The following EDN3 variants were observed in gnomAD, a reference collection of about 807,000 sequenced individuals.
EDN3 encodes endothelin-3.
Under a neutral mutation model 21.4 loss-of-function variants are expected in EDN3, and 9 were observed. The observed-to-expected ratio is 0.42, with a 90% CI of 0.25 to 0.73. The LOEUF (loss-of-function observed/expected upper bound fraction) is 0.73. Among genes scored for constraint, EDN3 ranks in the 30% least tolerant of loss-of-function variants. EDN3 has a pLI of 0.26. For missense variants in EDN3, 327 were observed against 309.4 expected, an observed-to-expected ratio of 1.06 and a Z score of -0.43; for synonymous variants, 133 against 126.2, an observed-to-expected ratio of 1.05 and a Z score of -0.36.
At chr20:59,320,962 C>A in intron 2 of EDN3, 55 bp from the exon 3 acceptor site, 1 of 1,605,532 alleles carries the variant, frequency 6.2e-7, no homozygotes, top group South Asian at 1.1e-5. Context: ...CCCTTGGGGG[C>A]CCCTGAGCAG....
At chr20:59,303,365 C>A (rs547935037) in intron 2 of EDN3, among the ~76,000 whole-genome samples, 1 of 152,310 alleles carries the variant, frequency 6.6e-6, no homozygotes, top group South Asian at 2.1e-4. Context: ...TTCCTTGTAG[C>A]CCCTGCACCT....
At chr20:59,313,391 C>T (rs553446086) in intron 2 of EDN3, among the ~76,000 whole-genome samples, 3 of 152,236 alleles carry the variant, frequency 2.0e-5, no homozygotes, top group Non-Finnish European at 2.9e-5. Context: ...TTAAATGAAA[C>T]GAAGGAACTG....
At chr20:59,306,202 C>T (rs902348778) in intron 2 of EDN3, among the ~76,000 whole-genome samples, 1 of 152,070 alleles carries the variant, frequency 6.6e-6, no homozygotes, top group South Asian at 2.1e-4. Flanking sequence ...AAATCTGACA[C>T]ACATGGGCTG....
rs550205592 is a variant in EDN3 at position 59,300,860 on chromosome 20, C to T, written c.48C>T (p.Ala16=). Reference sequence around the variant, plus strand: ...TTTTCGGGCTCACAGTGACCTCCGCCGCAGGTAAGCGCACGGGGCGGCGCG... The same window carrying T: ...TTTTCGGGCTCACAGTGACCTCCGCTGCAGGTAAGCGCACGGGGCGGCGCG... ...WLLFGLTVTS[A]AGFVPCSQSG... Residue 16 remains alanine, a synonymous_variant, in exon 1 of 5, where the codon GCC becomes GCT. Transcript: ENST00000337938. 23 of 1,611,062 alleles carry T rather than the reference C, an allele frequency of 1.4e-5. No homozygotes were observed. In the African/African-American group the frequency reaches 2.4e-4, roughly 17 times the overall value.
chr20:59,301,326 C>A (rs1169865527), intron 1 of EDN3, 84 bp from the exon 2 acceptor site: 6 of 1,504,700 alleles, frequency 4.0e-6, no homozygotes, highest in East Asian at 2.3e-5. Flanking sequence ...GCTTGCTCCA[C>A]CCCCCTCCTC....
At chr20:59,306,595 T>TAAAAAAAAAAAAAAAAAAAA (rs57144708) in intron 2 of EDN3, among the ~76,000 whole-genome samples, 5 of 62,456 alleles carry the variant, frequency 8.0e-5, no homozygotes, top group African/African-American at 1.7e-4. Context: ...GCATAAAGAG[T>TAAAAAAAAAAAAAAAAAAAA]AAAAAAAAAA....
intron 2 of EDN3, among the ~76,000 whole-genome samples, chr20:59,311,738 A>G (rs1176265305): frequency 6.6e-6 from 1 of 151,768 alleles, no homozygotes; most frequent in Admixed American, 6.6e-5. Context: ...GTCTCATCCA[A>G]TGAGTAAGAA....
intron 3 of EDN3, among the ~76,000 whole-genome samples, chr20:59,321,402 C>G (rs1011813855): frequency 6.6e-6 from 1 of 152,180 alleles, no homozygotes; most frequent in Non-Finnish European, 1.5e-5. Context: ...GTCCCCACCC[C>G]CTTGCTGCCT....
chr20:59,303,702 G>T (rs1203976378), intron 2 of EDN3, among the ~76,000 whole-genome samples: 1 of 152,158 alleles, frequency 6.6e-6, no homozygotes, highest in Admixed American at 6.5e-5. Flanking sequence ...TTAAAATTCT[G>T]TCTCATGCAT....
At chr20:59,302,484 G>A (rs576589487) in intron 2 of EDN3, among the ~76,000 whole-genome samples, 1 of 152,160 alleles carries the variant, frequency 6.6e-6, no homozygotes, top group East Asian at 1.9e-4. Flanking sequence ...TGTGGAGAGA[G>A]TGTGGCTCTG....
chr20:59,317,047 G>A (rs1242393790), intron 2 of EDN3, among the ~76,000 whole-genome samples: 2 of 152,228 alleles, frequency 1.3e-5, no homozygotes, highest in Non-Finnish European at 2.9e-5. Context: ...GTAGGCCCCA[G>A]CCACTGGGCA....
rs260741 is a variant in EDN3 at position 59,301,100 on chromosome 20, G to A, written c.52+236G>A. Among the ~76,000 whole-genome samples the A allele has an allele frequency of 0.17, 26,532 of 152,244 alleles. 2,794 individuals are homozygous for A. Among genetic ancestry groups the A allele is most frequent in the East Asian group, 0.26 (1,320 of 5,164 alleles). ...TGGCTGGAGACCTGCTGCCTGGGCCGACTTGGTCAATTTTTCATGAAACTG... is the reference window on the plus strand; with the variant it reads ...TGGCTGGAGACCTGCTGCCTGGGCCAACTTGGTCAATTTTTCATGAAACTG... On this transcript the variant is annotated intron_variant, in intron 1 of 4. Transcript: ENST00000337938.
At chr20:59,313,324 G>A (rs774064619) in intron 2 of EDN3, among the ~76,000 whole-genome samples, 2 of 152,206 alleles carry the variant, frequency 1.3e-5, no homozygotes, top group Non-Finnish European at 2.9e-5. Flanking sequence ...GGCTCCGGCT[G>A]GACAAGGTCC....
intron 2 of EDN3, among the ~76,000 whole-genome samples, chr20:59,310,027 C>T (rs1600732113): frequency 2.0e-5 from 3 of 152,202 alleles, no homozygotes; most frequent in Admixed American, 2.0e-4. Flanking sequence ...AGGGCCATTA[C>T]AGTGAGGAAC....
intron 2 of EDN3, among the ~76,000 whole-genome samples, chr20:59,309,748 G>A (rs1056333262): frequency 1.3e-5 from 2 of 152,182 alleles, no homozygotes; most frequent in Non-Finnish European, 2.9e-5. Flanking sequence ...TTAGGGCTAA[G>A]TTTCGCAGTT....
intron 2 of EDN3, among the ~76,000 whole-genome samples, chr20:59,306,566 GT>G (rs1231756018): frequency 9.1e-6 from 1 of 109,912 alleles, no homozygotes; most frequent in East Asian, 3.1e-4. Context: ...TTTCTTTTGA[GT>G]TTTTTTCTCC....
At chr20:59,312,597 G>C (rs1989904239) in intron 2 of EDN3, among the ~76,000 whole-genome samples, 1 of 152,190 alleles carries the variant, frequency 6.6e-6, no homozygotes, top group Non-Finnish European at 1.5e-5. Flanking sequence ...AATAGGCCAT[G>C]GAAGAGTGTA....
Position 59,311,781 on chromosome 20 carries a change from A to G in EDN3, c.366-9236A>G, listed in dbSNP as rs1262033250. 2.0e-5 allele frequency among the ~76,000 whole-genome samples: 3 copies of G among 151,876 alleles called. No homozygotes were observed. The East Asian group carries it at 5.8e-4, about 29-fold the overall frequency. The stretch of plus-strand genomic sequence containing the variant: ...CCTTCTGGCAATGCAGCCTCATTCT[A>G]CCCAGCCCCTATTCAAGATAGAGTT... On this transcript the variant is annotated intron_variant, in intron 2 of 4. Coordinates refer to ENST00000337938, the MANE Select transcript of EDN3 (RefSeq NM_207034.3).
intron 1 of EDN3, 39 bp downstream of exon 1, chr20:59,300,903 G>T (rs1328646145): frequency 4.4e-6 from 7 of 1,604,134 alleles, no homozygotes; most frequent in Admixed American, 1.7e-5. Context: ...TGGCGCGAGC[G>T]CACACAAAAG....
Sources: gnomAD v4.1 joint callset for allele counts (sites outside exome capture counted in the v4.1 genomes callset) on GRCh38, gnomAD v4.1.1 for gene constraint, MANE v1.5 for transcripts, NCBI Gene and HGNC (gene_info 2026-07-23, HGNC 2026-07-21) for gene names.